Variants in CCDC171 observed in about 807,000 individuals in gnomAD.
The protein encoded by CCDC171 is coiled-coil domain-containing protein 171.
Under a neutral mutation model 168.2 loss-of-function variants are expected in CCDC171, and 177 were observed. The ratio of observed to expected loss-of-function variants is 1.05; its 90% CI spans 0.93 to 1.19. The LOEUF (loss-of-function observed/expected upper bound fraction) is 1.19. Ranked by LOEUF, CCDC171 falls within the 50% of genes most tolerant of loss-of-function variation. The pLI is 0.00. For synonymous variants in CCDC171, 687 were observed against 540.8 expected (o/e 1.27, Z -3.75); for missense variants, 1,991 against 1,539.0 (o/e 1.29, Z -4.91).
At chr9:15,863,373 G>A (rs2061641471) in intron 23 of CCDC171, among the ~76,000 whole-genome samples, 1 of 152,028 alleles carries the variant, frequency 6.6e-6, no homozygotes, top group Non-Finnish European at 1.5e-5. Context: ...GAATTGATAT[G>A]TGCCATTGCA....
chr9:15,716,467 T>C (rs2053095148), intron 11 of CCDC171, among the ~76,000 whole-genome samples: 1 of 152,122 alleles, frequency 6.6e-6, no homozygotes, highest in South Asian at 2.1e-4. Flanking sequence ...CTTTTTTTTT[T>C]ATTTGTAAGC....
At chr9:15,691,636 C>T (rs2050804893) in intron 10 of CCDC171, among the ~76,000 whole-genome samples, 1 of 146,036 alleles carries the variant, frequency 6.8e-6, no homozygotes, top group Non-Finnish European at 1.5e-5. Flanking sequence ...TTGCCATTAG[C>T]AAGAATATAT....
rs184247957 is a variant in CCDC171, at chr9:16,058,865, A to G, written n.90-1781A>G. ...GGATTGACCCTGGGAAAACAATCCC[A>G]GCGTAAGCTCAAGTGTTTGAATTCT... On this transcript the variant is annotated intron_variant and non_coding_transcript_variant, in intron 1 of 1. Coordinates refer to the CCDC171 transcript ENST00000478913. Among the ~76,000 whole-genome samples the G allele has an allele frequency of 3.3e-5, 5 of 152,360 alleles. No homozygotes were observed. The East Asian group carries it at 9.6e-4, about 29-fold the overall frequency.
chr9:15,919,650 A>G (rs2131979808), intron 24 of CCDC171, among the ~76,000 whole-genome samples: 1 of 151,732 alleles, frequency 6.6e-6, no homozygotes, highest in Non-Finnish European at 1.5e-5. Context: ...AATTCCCTAA[A>G]TATGGTACTG....
chr9:15,830,722 A>G lies in CCDC171; in HGVS notation c.3268-15980A>G, dbSNP rs1432859246. Among the ~76,000 whole-genome samples the G allele has an allele frequency of 2.6e-5, 4 of 152,270 alleles. No homozygotes were observed. In the East Asian group the frequency reaches 7.7e-4, roughly 29 times the overall value. On this transcript the variant is annotated intron_variant, in intron 21 of 25. Coordinates refer to ENST00000380701, the MANE Select transcript of CCDC171 (RefSeq NM_173550.4). ...TAAAGTGATTGGATATTGAAGGATA[A>G]TCAAGAATCTTTGGTATTATGCATA...
intron 3 of CCDC171, among the ~76,000 whole-genome samples, chr9:16,018,603 C>G (rs1042735708): frequency 6.6e-6 from 1 of 152,202 alleles, no homozygotes; most frequent in East Asian, 1.9e-4. Context: ...CGTTACCCCT[C>G]ACTCACCTAC....
intron 3 of CCDC171, among the ~76,000 whole-genome samples, chr9:15,997,906 C>A (rs1248829011): frequency 1.3e-5 from 2 of 152,152 alleles, no homozygotes; most frequent in Non-Finnish European, 2.9e-5. Flanking sequence ...TCTCTACCTC[C>A]CTCTGATGAT....
intron 18 of CCDC171, among the ~76,000 whole-genome samples, chr9:15,762,025 A>G (rs1365964767): frequency 2.0e-5 from 3 of 152,134 alleles, no homozygotes; most frequent in Non-Finnish European, 4.4e-5. Flanking sequence ...CATGTCTTTT[A>G]TAGAATATAT....
rs537319006 is a variant in CCDC171 at position 15,834,502 on chromosome 9, C to T, written c.3268-12200C>T. ...CACATCACTACTTAAGATGTTATTT[C>T]GGAAAACACCATTATTTATTAATCT... On this transcript the variant is annotated intron_variant, in intron 21 of 25. Coordinates refer to ENST00000380701, the MANE Select transcript of CCDC171 (RefSeq NM_173550.4). Among the ~76,000 whole-genome samples the T allele has an allele frequency of 6.6e-5, 10 of 152,160 alleles. No individual in the cohort carries two copies. The South Asian group carries it at 1.2e-3, about 19-fold the overall frequency.
At chr9:15,824,223 A>G (rs2059918319) in intron 21 of CCDC171, among the ~76,000 whole-genome samples, 1 of 152,052 alleles carries the variant, frequency 6.6e-6, no homozygotes, top group Non-Finnish European at 1.5e-5. Context: ...GTATATACAT[A>G]CACTCTACAG....
At chr9:15,836,837 G>C (rs372635494) in intron 21 of CCDC171, among the ~76,000 whole-genome samples, 4 of 152,146 alleles carry the variant, frequency 2.6e-5, no homozygotes, top group Non-Finnish European at 5.9e-5. Flanking sequence ...GTCAAATTTC[G>C]TATCAGTGGA....
intron 18 of CCDC171, among the ~76,000 whole-genome samples, chr9:15,766,105 C>T (rs535305297): frequency 6.6e-6 from 1 of 152,190 alleles, no homozygotes; most frequent in African/African-American, 2.4e-5. Flanking sequence ...TTCCTAAGTT[C>T]TGGATTCCTC....
chr9:15,767,777 A>G (rs1236098792), intron 18 of CCDC171, among the ~76,000 whole-genome samples: 2 of 110,458 alleles, frequency 1.8e-5, no homozygotes, highest in East Asian at 5.5e-4. Context: ...CTTTCTGTTC[A>G]GTGTTTGTGT....
chr9:15,871,840 A>C (rs1035675799), intron 23 of CCDC171, among the ~76,000 whole-genome samples: 8 of 151,446 alleles, frequency 5.3e-5, no homozygotes, highest in African/African-American at 1.7e-4. Context: ...CCTTTGCTGC[A>C]TGATTTTATT....
chr9:15,570,241 G>T (rs1448473645), intron 2 of CCDC171, among the ~76,000 whole-genome samples: 1 of 152,040 alleles, frequency 6.6e-6, no homozygotes, highest in African/African-American at 2.4e-5. Context: ...AAAGTGCTTG[G>T]AGGCCAGGCG....
intron 6 of CCDC171, among the ~76,000 whole-genome samples, chr9:15,601,120 T>C (rs182196253): frequency 5.4e-4 from 83 of 152,304 alleles, no homozygotes; most frequent in Non-Finnish European, 9.7e-4. Flanking sequence ...CGACTCACGC[T>C]CAGTGCACTG....
chr9:15,730,290 G>C lies in CCDC171; in HGVS notation c.2049+492G>C, dbSNP rs537071052. On this transcript the variant is annotated intron_variant, in intron 16 of 25. Transcript: ENST00000380701. ...GATATTATATAAGGTTATAGTTGTA[G>C]GCCATGTAGCAAAAGTAATTCACTA... 2.7e-3 allele frequency among the ~76,000 whole-genome samples: 398 copies of C among 149,352 alleles called. 1 individual carries two copies. Among genetic ancestry groups the C allele is most frequent in the African/African-American group, 9.9e-3 (390 of 39,226 alleles).
At chr9:15,917,086 T>G (rs1404601778) in intron 24 of CCDC171, among the ~76,000 whole-genome samples, 2 of 151,992 alleles carry the variant, frequency 1.3e-5, no homozygotes, top group Non-Finnish European at 2.9e-5. Context: ...TCATTTCCAT[T>G]TCTTCTGCCA....
At chr9:15,991,014 C>T (rs1418524153) in intron 3 of CCDC171, among the ~76,000 whole-genome samples, 1 of 152,026 alleles carries the variant, frequency 6.6e-6, no homozygotes, top group East Asian at 1.9e-4. Context: ...TTAGACAGAT[C>T]AACGAGACAG....
Sources: gnomAD v4.1 joint callset for allele counts (sites outside exome capture counted in the v4.1 genomes callset) on GRCh38, gnomAD v4.1.1 for gene constraint, MANE v1.5 for transcripts, NCBI Gene and HGNC (gene_info 2026-07-23, HGNC 2026-07-21) for gene names.